PDGFRB: variants seen among roughly 807,000 people sequenced by gnomAD.
PDGFRB encodes platelet derived growth factor receptor beta.
A neutral mutation model predicts 120.2 loss-of-function variants in PDGFRB; 42 were observed. The observed-to-expected ratio is 0.35, with a 90% CI of 0.27 to 0.45. The LOEUF is 0.45. Ranked by LOEUF, PDGFRB falls within the 20% of genes least tolerant of loss-of-function variation. The probability of loss-of-function intolerance (pLI) is 1.00; values close to 1 mark genes in which losing one functional copy is unlikely to be tolerated. For missense variants in PDGFRB, 1,149 were observed against 1,476.3 expected, an observed-to-expected ratio of 0.78 and a Z score of 3.63; for synonymous variants, 586 against 606.8, an observed-to-expected ratio of 0.97 and a Z score of 0.50.
At chr5:150,139,858 T>C (rs12515782) in intron 1 of PDGFRB, among the ~76,000 whole-genome samples, 34,759 of 151,866 alleles carry the variant, frequency 0.23, 4,204 homozygotes, top group African/African-American at 0.28. Flanking sequence ...CAAGTGCCTG[T>C]AGTCCCAGCT....
chr5:150,135,053 T>A, intron 3 of PDGFRB, 37 bp from the exon 4 acceptor site: 1 of 1,141,398 alleles, frequency 8.8e-7, no homozygotes, highest in Non-Finnish European at 1.3e-6. Flanking sequence ...TCAGGGGAAC[T>A]GGGTTTCTGG....
intron 1 of PDGFRB, among the ~76,000 whole-genome samples, chr5:150,145,832 G>A (rs767421878): frequency 2.3e-4 from 35 of 152,224 alleles, no homozygotes; most frequent in South Asian, 8.3e-4. Context: ...ACCCGAGATC[G>A]CGCCACTGCA....
At chr5:150,140,648 G>C (rs1431960468) in intron 1 of PDGFRB, among the ~76,000 whole-genome samples, 1 of 151,718 alleles carries the variant, frequency 6.6e-6, no homozygotes, top group East Asian at 1.9e-4. Context: ...GAGGAGTGGG[G>C]GGCCCCAAGT....
intron 1 of PDGFRB, among the ~76,000 whole-genome samples, chr5:150,155,008 G>A (rs1761191947): frequency 1.3e-5 from 2 of 152,150 alleles, no homozygotes; most frequent in South Asian, 4.1e-4. Flanking sequence ...ATGGTCCTGA[G>A]GTCCCCAGTC....
rs1024834415 is a variant in PDGFRB, at chr5:150,121,778, G to A, written c.2344+102C>T. 3.4e-6 allele frequency: 3 copies of A among 892,604 alleles called. No homozygotes were observed. Among genetic ancestry groups the A allele is most frequent in the African/African-American group, 3.3e-5 (2 of 60,838 alleles). The allele number at this position is 892,604 out of a possible 1,614,324, so 55.3% of individuals were successfully genotyped here. A position where few individuals can be genotyped will look rare whatever the true frequency, so the allele number is the denominator to read the frequency against. The stretch of plus-strand genomic sequence containing the variant: ...GCCTCAATTTCTACATCTATGAAAT[G>A]GGCACGAGGCTCCCTTCTTCTCAGG... On this transcript the variant is annotated intron_variant, in intron 16 of 22. Transcript: ENST00000261799. The surrounding 1 kb of genome is among the most constrained non-coding windows in gnomAD (Gnocchi z 4.1).
At chr5:150,116,319 G>A (rs1375189442) in intron 22 of PDGFRB, among the ~76,000 whole-genome samples, 3 of 152,098 alleles carry the variant, frequency 2.0e-5, no homozygotes, top group African/African-American at 7.2e-5. Flanking sequence ...GTATTTTACA[G>A]AAGAAGACAC....
chr5:150,130,461 G>C, intron 9 of PDGFRB, 78 bp downstream of exon 9: 1 of 1,384,500 alleles, frequency 7.2e-7, no homozygotes. Context: ...CAAGAAGAAC[G>C]GGCGGGACTA....
chr5:150,145,745 A>C (rs986680928), intron 1 of PDGFRB, among the ~76,000 whole-genome samples: 3 of 152,150 alleles, frequency 2.0e-5, no homozygotes, highest in African/African-American at 7.2e-5. Flanking sequence ...AAAAAAATAA[A>C]AGTTAATTAG....
chr5:150,135,590 G>A lies in PDGFRB; in HGVS notation c.329C>T (p.Thr110Ile), dbSNP rs1760601266. Residue 110 changes from threonine to isoleucine, a missense_variant, in exon 3 of 23, where the codon ACC (threonine) becomes ATC (isoleucine). Thr to Ile is a moderately conservative substitution (Grantham distance 89). This residue lies in a region of PDGFRB where 879 missense variants were observed against 1,108.6 expected (regional missense o/e 0.79). Coordinates refer to ENST00000261799, the MANE Select transcript of PDGFRB (RefSeq NM_002609.4). ...CTHNDSRGLE[T>I]DERKRLYIFV... is the part of the protein sequence containing the mutation. ...GATGTAGAGCCGTTTCCGCTCATCGGTCTCCAGTCCACGGGAGTCATTGTG... is the reference window on the plus strand; with the variant it reads ...GATGTAGAGCCGTTTCCGCTCATCGATCTCCAGTCCACGGGAGTCATTGTG... 6.2e-7 allele frequency: 1 copy of A among 1,612,982 alleles called. No homozygotes were observed.
Position 150,115,518 on chromosome 5 carries a change from G to A in PDGFRB, c.*245C>T, listed in dbSNP as rs921055529. 34 of 385,948 alleles carry A rather than the reference G, an allele frequency of 8.8e-5. No homozygotes were observed. The highest frequency in any genetic ancestry group is 7.0e-4 in the African/African-American group (34 of 48,372). The allele number at this position is 385,948 out of a possible 1,614,324, so 23.9% of individuals were successfully genotyped here. A position where few individuals can be genotyped will look rare whatever the true frequency, so the allele number is the denominator to read the frequency against. ...TATGGGAAAACTGAGTTCCCTGGGG[G>A]AACCCTGGCTCAGAGTCAGTTGGCC... On this transcript the variant is annotated 3_prime_UTR_variant, in exon 23 of 23. Transcript: ENST00000261799.
At chr5:150,125,369 C>T in intron 12 of PDGFRB, 76 bp downstream of exon 12, 1 of 1,355,246 alleles carries the variant, frequency 7.4e-7, no homozygotes, top group East Asian at 2.4e-5. Context: ...CATGGCAAGG[C>T]TGGGACCAGA....
At chr5:150,124,507 G>A (rs1204266032) in intron 13 of PDGFRB, 147 bp from the exon 14 acceptor site, 3 of 653,014 alleles carry the variant, frequency 4.6e-6, no homozygotes, top group East Asian at 5.4e-5. Context: ...ACTCTGAGGA[G>A]GGGAAGAGGC....
In PDGFRB at chr5:150,121,546, C is replaced by T. The variant is rs555975617; in HGVS notation, c.2345-224G>A. Among the ~76,000 whole-genome samples the T allele has an allele frequency of 6.6e-6, 1 of 152,344 alleles. No individual in the cohort carries two copies. Among genetic ancestry groups the T allele is most frequent in the African/African-American group, 2.4e-5 (1 of 41,582 alleles). On this transcript the variant is annotated intron_variant, in intron 16 of 22. Coordinates refer to ENST00000261799, the MANE Select transcript of PDGFRB (RefSeq NM_002609.4). The surrounding 1 kb of genome is among the most constrained non-coding windows in gnomAD (Gnocchi z 4.1). ...CATTAGCCCTTGGGCCACTTTTGCC[C>T]AGCCTGGCCTGCCTGCCTGCCTCTC...
intron 11 of PDGFRB, among the ~76,000 whole-genome samples, chr5:150,126,280 G>A (rs1044551563): frequency 5.3e-5 from 8 of 152,212 alleles, no homozygotes; most frequent in East Asian, 3.9e-4. Context: ...AGCAGGACCC[G>A]GGGACTTAAT....
At position 150,121,791 on chromosome 5, in the gene PDGFRB, C is replaced by T. The variant is rs2113890890; in HGVS notation, c.2344+89G>A. 1 of 1,027,892 alleles carries T rather than the reference C, an allele frequency of 9.7e-7. No individual in the cohort carries two copies. 63.7% of individuals were successfully genotyped at this position (1,027,892 alleles called of 1,614,324 possible). A position where few individuals can be genotyped will look rare whatever the true frequency, so the allele number is the denominator to read the frequency against. On this transcript the variant is annotated intron_variant, in intron 16 of 22. Coordinates refer to ENST00000261799, the MANE Select transcript of PDGFRB (RefSeq NM_002609.4). The surrounding 1 kb of genome is among the most constrained non-coding windows in gnomAD (Gnocchi z 4.1). ...CATCTATGAAATGGGCACGAGGCTC[C>T]CTTCTTCTCAGGGTTTTTGGCAAGG...
intron 1 of PDGFRB, among the ~76,000 whole-genome samples, chr5:150,138,369 G>T (rs933288786): frequency 7.2e-5 from 11 of 152,164 alleles, no homozygotes; most frequent in Non-Finnish European, 1.5e-4. Flanking sequence ...CACCTCTTGT[G>T]CCATCGCTCT....
intron 1 of PDGFRB, among the ~76,000 whole-genome samples, chr5:150,143,291 G>A (rs1490557366): frequency 3.9e-5 from 6 of 152,234 alleles, no homozygotes; most frequent in African/African-American, 7.2e-5. Flanking sequence ...GCAGCTAAGG[G>A]TGACTACTGT....
In PDGFRB at chr5:150,121,361, T is replaced by C. The variant is rs534475403; in HGVS notation, c.2345-39A>G. 28 of 935,998 alleles carry C rather than the reference T, an allele frequency of 3.0e-5. No homozygotes were observed. Among genetic ancestry groups the C allele is most frequent in the Non-Finnish European group, 4.8e-5 (27 of 560,098 alleles). 58.0% of individuals were successfully genotyped at this position (935,998 alleles called of 1,614,324 possible). A position where few individuals can be genotyped will look rare whatever the true frequency, so the allele number is the denominator to read the frequency against. ...AGAGGGTCACCTGCTATCTTATATC[T>C]CCTTCTGGCCCACAGGACCCCTGCC... On this transcript the variant is annotated intron_variant, in intron 16 of 22. Coordinates refer to ENST00000261799, the MANE Select transcript of PDGFRB (RefSeq NM_002609.4). The surrounding 1 kb of genome is among the most constrained non-coding windows in gnomAD (Gnocchi z 4.1).
intron 1 of PDGFRB, 43 bp from the exon 2 acceptor site, chr5:150,137,096 C>T (rs200182420): frequency 3.0e-5 from 47 of 1,556,800 alleles, no homozygotes; most frequent in Non-Finnish European, 1.7e-5. Context: ...CAGGTGGAGG[C>T]AGCGACAGGG....
Sources: gnomAD v4.1 joint callset for allele counts (sites outside exome capture counted in the v4.1 genomes callset) on GRCh38, gnomAD v4.1.1 for gene constraint, gnomAD v4.1.1 regional missense constraint, Gnocchi (gnomAD v3.1) non-coding constraint, MANE v1.5 for transcripts, NCBI Gene and HGNC (gene_info 2026-07-23, HGNC 2026-07-21) for gene names.